The following GATAD2A variants were observed in gnomAD, a reference collection of about 807,000 sequenced individuals.
The protein encoded by GATAD2A is transcriptional repressor p66-alpha.
GATAD2A carries 12 observed loss-of-function variants against 68.5 expected under a neutral mutation model. The observed-to-expected ratio is 0.18, with a 90% CI of 0.11 to 0.28. The LOEUF is 0.28. Among genes scored for constraint, GATAD2A ranks in the 10% least tolerant of loss-of-function variants. The pLI is 1.00. For missense variants in GATAD2A, 755 were observed against 868.5 expected, an observed-to-expected ratio of 0.87 and a Z score of 1.64; for synonymous variants, 410 against 375.3, an observed-to-expected ratio of 1.09 and a Z score of -1.07.
Position 19,494,476 on chromosome 19 carries a change from G to C in GATAD2A, c.624+93G>C, listed in dbSNP as rs1254981445. 6 of 753,264 alleles carry C rather than the reference G, an allele frequency of 8.0e-6. No individual in the cohort carries two copies. In the African/African-American group the frequency reaches 1.0e-4, roughly 13 times the overall value. 46.7% of individuals were successfully genotyped at this position (753,264 alleles called of 1,614,324 possible). ...GGGCTCCCAAACAGCCCTGGCCCAG[G>C]TTCTGCAAGAGGTTGCGCTTTCCTT... On this transcript the variant is annotated intron_variant, in intron 5 of 11. Coordinates refer to ENST00000683918, the MANE Select transcript of GATAD2A (RefSeq NM_001384528.1).
chr19:19,486,783 C>T (rs1002714453), intron 2 of GATAD2A, among the ~76,000 whole-genome samples: 2 of 152,178 alleles, frequency 1.3e-5, no homozygotes, highest in African/African-American at 2.4e-5. Context: ...CTAAGGTGCC[C>T]GAGCCTCCTC....
intron 2 of GATAD2A, among the ~76,000 whole-genome samples, chr19:19,471,456 C>G (rs576688393): frequency 1.3e-5 from 2 of 152,156 alleles, no homozygotes; most frequent in African/African-American, 4.8e-5. Flanking sequence ...AGGGCATGTC[C>G]CCCCAAAAAG....
chr19:19,430,754 G>A (rs1021235638), intron 1 of GATAD2A, among the ~76,000 whole-genome samples: 9 of 152,110 alleles, frequency 5.9e-5, no homozygotes, highest in Non-Finnish European at 1.2e-4. Context: ...CCATGGAACC[G>A]GAGTTCCCCA....
At chr19:19,464,785 G>A (rs2057738463) in intron 1 of GATAD2A, 2 of 168,234 alleles carry the variant, frequency 1.2e-5, no homozygotes, top group Non-Finnish European at 2.6e-5. Flanking sequence ...GTGATCCCCA[G>A]TCCCCACTCC....
At chr19:19,488,277 T>G (rs2059574317) in intron 2 of GATAD2A, among the ~76,000 whole-genome samples, 1 of 152,362 alleles carries the variant, frequency 6.6e-6, no homozygotes, top group Non-Finnish European at 1.5e-5. Flanking sequence ...TCCATCCTGG[T>G]AGACTGAACC....
upstream of GATAD2A, among the ~76,000 whole-genome samples, chr19:19,401,508 C>T (rs2965181): frequency 0.15 from 23,403 of 151,944 alleles, 1,926 homozygotes; most frequent in Middle Eastern, 0.28. Context: ...CCACTGCGCC[C>T]GGCTGATTCT....
Position 19,506,887 on chromosome 19 carries a change from A to G in GATAD2A, c.*1413A>G, listed in dbSNP as rs2060889132. On this transcript the variant is annotated 3_prime_UTR_variant, in exon 12 of 12. Transcript: ENST00000683918. ...CCAGCCCTGGTTTTCCTACCCATGC[A>G]GTTAGGGACTTTAATTTAATTTTTT... 6.6e-6 allele frequency: 1 copy of G among 152,032 alleles called. No individual in the cohort carries two copies. Among genetic ancestry groups the G allele is most frequent in the Non-Finnish European group, 1.5e-5 (1 of 67,996 alleles). 9.4% of individuals were successfully genotyped at this position (152,032 alleles called of 1,614,324 possible).
chr19:19,488,579 C>G (rs557106389), intron 2 of GATAD2A, among the ~76,000 whole-genome samples: 5 of 152,180 alleles, frequency 3.3e-5, no homozygotes, highest in Non-Finnish European at 7.3e-5. Flanking sequence ...GAAGTGGGAT[C>G]GTGTCTCAAT....
intron 2 of GATAD2A, among the ~76,000 whole-genome samples, chr19:19,470,659 G>A (rs1444102141): frequency 1.3e-5 from 2 of 152,068 alleles, no homozygotes; most frequent in Non-Finnish European, 2.9e-5. Flanking sequence ...AATACCTGGT[G>A]AATGCAGAAT....
intron 1 of GATAD2A, among the ~76,000 whole-genome samples, chr19:19,425,214 T>C (rs1476957951): frequency 6.6e-6 from 1 of 152,162 alleles, no homozygotes; most frequent in Non-Finnish European, 1.5e-5. Context: ...GGGGAGGCTA[T>C]TTGGGTGGCA....
At chr19:19,498,791 T>G (rs1378116345) in intron 8 of GATAD2A, 69 bp downstream of exon 8, 3 of 1,369,418 alleles carry the variant, frequency 2.2e-6, no homozygotes, top group Admixed American at 3.7e-5. Context: ...CGTGGGTTCT[T>G]TCCAACACAC....
chr19:19,504,691 A>G (rs1470021070), intron 11 of GATAD2A, among the ~76,000 whole-genome samples: 1 of 140,420 alleles, frequency 7.1e-6, no homozygotes, highest in Non-Finnish European at 1.5e-5. Flanking sequence ...TATGTTGCCC[A>G]GGCTGGAATG....
chr19:19,399,016 G>A (rs1292003273), intron 1 of GATAD2A, among the ~76,000 whole-genome samples: 2 of 151,562 alleles, frequency 1.3e-5, no homozygotes, highest in Non-Finnish European at 2.9e-5. Context: ...CTGAGATCAC[G>A]CCACTGCCCT....
At chr19:19,478,179 C>T (rs1600235489) in intron 2 of GATAD2A, among the ~76,000 whole-genome samples, 2 of 152,340 alleles carry the variant, frequency 1.3e-5, no homozygotes, top group Non-Finnish European at 2.9e-5. Context: ...CTCTGTACTA[C>T]TGTCGAGGCT....
intron 5 of GATAD2A, 98 bp from the exon 6 acceptor site, chr19:19,495,656 C>G: frequency 7.4e-6 from 4 of 536,996 alleles, no homozygotes; most frequent in Non-Finnish European, 1.1e-5. Flanking sequence ...AAAAAAAAAA[C>G]TAGTATGTAC....
At position 19,505,575 on chromosome 19, in the gene GATAD2A, C is replaced by T. The variant is rs950108804; in HGVS notation, c.*101C>T. 16 of 1,064,368 alleles carry T rather than the reference C, an allele frequency of 1.5e-5. No individual in the cohort carries two copies. The East Asian group carries it at 2.0e-4, about 13-fold the overall frequency. 65.9% of individuals were successfully genotyped at this position (1,064,368 alleles called of 1,614,324 possible). A position where few individuals can be genotyped will look rare whatever the true frequency, so the allele number is the denominator to read the frequency against. On this transcript the variant is annotated 3_prime_UTR_variant, in exon 12 of 12. Transcript: ENST00000683918. ...ACCCTCCGCTGGCTCGGGAAGACACCGTGCCCGCCCCAAGAGCAAGCACCG... is the reference window on the plus strand; with the variant it reads ...ACCCTCCGCTGGCTCGGGAAGACACTGTGCCCGCCCCAAGAGCAAGCACCG...
intron 5 of GATAD2A, among the ~76,000 whole-genome samples, chr19:19,495,058 C>T (rs566641822): frequency 2.6e-5 from 4 of 152,266 alleles, no homozygotes; most frequent in African/African-American, 7.2e-5. Context: ...TGCAGTGGCA[C>T]GATCTCAGCT....
chr19:19,455,815 T>A (rs1012703734), intron 1 of GATAD2A, among the ~76,000 whole-genome samples: 1 of 152,066 alleles, frequency 6.6e-6, no homozygotes, highest in Non-Finnish European at 1.5e-5. Flanking sequence ...AGAGACTAAA[T>A]GGCCCGCAGA....
chr19:19,418,813 G>A (rs964077293), intron 1 of GATAD2A, among the ~76,000 whole-genome samples: 1 of 152,268 alleles, frequency 6.6e-6, no homozygotes, highest in East Asian at 1.9e-4. Flanking sequence ...CTGTGACACT[G>A]GTTTTGAGAG....
Sources: allele counts gnomAD v4.1 joint callset (sites outside exome capture counted in the v4.1 genomes callset), GRCh38; gene constraint gnomAD v4.1.1; transcripts MANE v1.5; gene names NCBI Gene and HGNC (gene_info 2026-07-23, HGNC 2026-07-21).